The following CFAP299 variants were observed in gnomAD, a reference collection of about 807,000 sequenced individuals.
CFAP299 encodes cilia- and flagella-associated protein 299.
In CFAP299, 21 loss-of-function variants were observed where a neutral mutation model predicts 27.0. The observed-to-expected ratio is 0.78, with a 90% confidence interval of 0.55 to 1.12. The LOEUF is 1.12. CFAP299 is among the 50% of genes most tolerant of loss of function. CFAP299 has a pLI of 0.00. For missense variants in CFAP299, 310 were observed against 276.6 expected, an observed-to-expected ratio of 1.12 and a Z score of -0.86; for synonymous variants, 104 against 98.1, an observed-to-expected ratio of 1.06 and a Z score of -0.36.
intron 3 of CFAP299, among the ~76,000 whole-genome samples, chr4:80,806,393 T>C (rs1276506822): frequency 6.6e-6 from 1 of 152,192 alleles, no homozygotes; most frequent in Non-Finnish European, 1.5e-5. Flanking sequence ...GAAGGTGTAC[T>C]TGGAGAGCTT....
chr4:80,961,708 G>C (rs1440024210), intron 5 of CFAP299, among the ~76,000 whole-genome samples: 1 of 151,802 alleles, frequency 6.6e-6, no homozygotes, highest in African/African-American at 2.4e-5. Context: ...CATATCAAAA[G>C]TAAACACAGA....
At chr4:80,873,106 T>C in intron 4 of CFAP299, 1 of 643,752 alleles carries the variant, frequency 1.6e-6, no homozygotes, top group Non-Finnish European at 1.9e-6. Flanking sequence ...TTTTATATCT[T>C]TAACTGCCCA....
chr4:80,945,502 T>A (rs1737427290), intron 5 of CFAP299, among the ~76,000 whole-genome samples: 1 of 152,244 alleles, frequency 6.6e-6, no homozygotes, highest in Admixed American at 6.5e-5. Context: ...TTTCAAAGAC[T>A]GCATTTGAAT....
At chr4:80,549,117 A>AT (rs910183584) in intron 2 of CFAP299, among the ~76,000 whole-genome samples, 3 of 152,026 alleles carry the variant, frequency 2.0e-5, no homozygotes, top group Admixed American at 6.6e-5. Flanking sequence ...TGATTTTTGT[A>AT]TTTTTTCTAA....
chr4:80,575,653 CTTTA>C (rs1451570831), intron 2 of CFAP299, among the ~76,000 whole-genome samples: 2 of 150,646 alleles, frequency 1.3e-5, no homozygotes, highest in African/African-American at 4.9e-5. Flanking sequence ...TATTTCTGAT[CTTTA>C]TTAATTTCTT....
intron 2 of CFAP299, among the ~76,000 whole-genome samples, chr4:80,369,401 C>A (rs1724020673): frequency 6.6e-6 from 1 of 152,212 alleles, no homozygotes; most frequent in Non-Finnish European, 1.5e-5. Context: ...TCTAAATCTC[C>A]TGCCTTTGTC....
chr4:80,937,344 TCTCA>T (rs1178004618), intron 4 of CFAP299, among the ~76,000 whole-genome samples: 6 of 134,292 alleles, frequency 4.5e-5, no homozygotes, highest in African/African-American at 1.8e-4. Flanking sequence ...TGAGACAGGG[TCTCA>T]CTCTGTTTCC....
intron 5 of CFAP299, among the ~76,000 whole-genome samples, chr4:80,948,335 T>C (rs1405676299): frequency 6.6e-6 from 1 of 152,162 alleles, no homozygotes; most frequent in African/African-American, 2.4e-5. Context: ...TTTGGTTGCA[T>C]TGAAAACAGG....
chr4:80,542,332 G>A (rs188828731), intron 2 of CFAP299, among the ~76,000 whole-genome samples: 2 of 152,244 alleles, frequency 1.3e-5, no homozygotes, highest in East Asian at 3.9e-4. Context: ...GAGAAAATAT[G>A]GCCATTTAAT....
At chr4:80,642,913 A>G (rs562064725) in intron 3 of CFAP299, among the ~76,000 whole-genome samples, 1 of 152,174 alleles carries the variant, frequency 6.6e-6, no homozygotes, top group Non-Finnish European at 1.5e-5. Flanking sequence ...CATAAAGTTT[A>G]CATTTTAGTT....
At chr4:80,387,189 G>T in intron 2 of CFAP299, 1 of 1,352,894 alleles carries the variant, frequency 7.4e-7, no homozygotes, top group South Asian at 1.2e-5. Flanking sequence ...AGGAGGCTGT[G>T]GGAGTACTGG....
chr4:80,820,018 T>C (rs1729619247), intron 3 of CFAP299, among the ~76,000 whole-genome samples: 1 of 152,128 alleles, frequency 6.6e-6, no homozygotes, highest in South Asian at 2.1e-4. Flanking sequence ...TGAAAAGTGA[T>C]AAGAGAACAG....
At chr4:80,457,812 G>A (rs7683819) in intron 2 of CFAP299, among the ~76,000 whole-genome samples, 61,285 of 151,922 alleles carry the variant, frequency 0.4, 14,236 homozygotes, top group African/African-American at 0.64. Flanking sequence ...TTTTCTAGGA[G>A]CCATCTACAA....
intron 4 of CFAP299, among the ~76,000 whole-genome samples, chr4:80,892,142 A>G (rs1160386448): frequency 1.3e-5 from 2 of 152,148 alleles, no homozygotes; most frequent in Non-Finnish European, 2.9e-5. Flanking sequence ...AGAACATGGT[A>G]CTGGCATAAA....
At chr4:80,930,270 T>C (rs1239988386) in intron 4 of CFAP299, among the ~76,000 whole-genome samples, 2 of 152,174 alleles carry the variant, frequency 1.3e-5, no homozygotes, top group African/African-American at 4.8e-5. Flanking sequence ...GCCCTTCCCA[T>C]ACCTCTCCCT....
chr4:80,337,883 A>G (rs996162925), intron 1 of CFAP299, among the ~76,000 whole-genome samples: 3 of 152,200 alleles, frequency 2.0e-5, no homozygotes, highest in African/African-American at 7.2e-5. Context: ...GTTTACATAT[A>G]TATGTATATA....
chr4:80,841,912 A>G (rs1334360796), intron 3 of CFAP299, among the ~76,000 whole-genome samples: 3 of 152,102 alleles, frequency 2.0e-5, no homozygotes, highest in Non-Finnish European at 4.4e-5. Flanking sequence ...TCTTGGCAAG[A>G]AGACAACCCG....
chr4:80,387,275 C>T (rs570380262), intron 2 of CFAP299: 31 of 1,611,468 alleles, frequency 1.9e-5, no homozygotes, highest in Middle Eastern at 1.7e-4. Flanking sequence ...CTCCTGGTGG[C>T]TCTTGATGTG....
intron 2 of CFAP299, among the ~76,000 whole-genome samples, chr4:80,509,959 G>A (rs1732216600): frequency 6.6e-6 from 1 of 151,612 alleles, no homozygotes; most frequent in Non-Finnish European, 1.5e-5. Context: ...TTCACCATCA[G>A]TATCAGCTTC....
Sources: allele counts gnomAD v4.1 joint callset (sites outside exome capture counted in the v4.1 genomes callset), GRCh38; gene constraint gnomAD v4.1.1; transcripts MANE v1.5; gene names NCBI Gene and HGNC (gene_info 2026-07-23, HGNC 2026-07-21).